The following GCLC variants were observed in gnomAD, a reference collection of about 807,000 sequenced individuals.
The protein encoded by GCLC is glutamate-cysteine ligase catalytic subunit, also known as glutamate--cysteine ligase catalytic subunit.
In GCLC, 30 loss-of-function variants were observed where a neutral mutation model predicts 81.5. The ratio of observed to expected loss-of-function variants is 0.37; its 90% confidence interval spans 0.28 to 0.50. The LOEUF is 0.50. Among genes scored for constraint, GCLC ranks in the 20% least tolerant of loss-of-function variants. The pLI, the probability that GCLC is intolerant of heterozygous loss-of-function variation, is 0.96. For missense variants in GCLC, 556 were observed against 777.4 expected, an observed-to-expected ratio of 0.72 and a Z score of 3.39; for synonymous variants, 262 against 273.3, an observed-to-expected ratio of 0.96 and a Z score of 0.41.
chr6:53,528,986 C>T (rs771807521), intron 1 of GCLC, among the ~76,000 whole-genome samples: 113 of 152,160 alleles, frequency 7.4e-4, no homozygotes, highest in Non-Finnish European at 1.4e-3. Flanking sequence ...GAGAAAATGT[C>T]ACCTGTCACC....
Position 53,514,254 on chromosome 6 carries a change from G to A in GCLC, c.703C>T (p.His235Tyr). Residue 235 changes from histidine (H) to tyrosine (Y), a missense_variant, in exon 6 of 16, where the codon CAT becomes TAT. His to Tyr is a moderately conservative substitution (Grantham distance 83). Around this residue, in one of 3 missense-constraint regions of GCLC, gnomAD observed 234 missense variants for 303.8 expected, o/e 0.77. Transcript: ENST00000650454. ...AATCCCATGGCATCCATGTAAATATGATCCGGCTTAGAAGCCCTTGAAGCT... is the reference window on the plus strand; with the variant it reads ...AATCCCATGGCATCCATGTAAATATAATCCGGCTTAGAAGCCCTTGAAGCT... ...DEASRASKPD[H>Y]IYMDAMGFGM... is the part of the protein sequence containing the mutation. The A allele has an allele frequency of 3.7e-6, 6 of 1,613,524 alleles. No individual in the cohort carries two copies. Among genetic ancestry groups the A allele is most frequent in the Non-Finnish European group, 4.2e-6 (5 of 1,179,440 alleles).
At position 53,534,872 on chromosome 6, in the gene GCLC, T is replaced by C. The variant is rs1237956048; in HGVS notation, c.150+9624A>G. Among the ~76,000 whole-genome samples, 4 of 152,344 alleles carry C rather than the reference T, an allele frequency of 2.6e-5. No homozygotes were observed. The East Asian group carries it at 7.7e-4, about 29-fold the overall frequency. On this transcript the variant is annotated intron_variant, in intron 1 of 15. Coordinates refer to ENST00000650454, the MANE Select transcript of GCLC (RefSeq NM_001498.4). The stretch of plus-strand genomic sequence containing the variant: ...ACTTGAAGACTCAATATTGTTGAGA[T>C]GTTAATTTTTCCCAAACTGATCTAC...
Position 53,517,079 on chromosome 6 carries a change from A to AATTT in GCLC, c.447-858_447-857insAAAT, listed in dbSNP as rs372330233. On this transcript the variant is annotated intron_variant, in intron 3 of 15. Coordinates refer to ENST00000650454, the MANE Select transcript of GCLC (RefSeq NM_001498.4). ...ACTAGCTCATATCTTTTAAAAAAAAATTTTTTTTTTTTTTTTTTTTTTTCT... is the reference window on the plus strand; with the variant it reads ...ACTAGCTCATATCTTTTAAAAAAAAAATTTTTTTTTTTTTTTTTTTTTTTTTTCT... 2.8e-4 allele frequency among the ~76,000 whole-genome samples: 29 copies of AATTT among 104,406 alleles called. No individual in the cohort carries two copies. The East Asian group carries it at 3.5e-3, about 12-fold the overall frequency. The allele number at this position is 104,406 out of a possible 152,430, so 68.5% of individuals were successfully genotyped here. A position where few individuals can be genotyped will look rare whatever the true frequency, so the allele number is the denominator to read the frequency against.
intron 1 of GCLC, among the ~76,000 whole-genome samples, chr6:53,538,948 C>T (rs1279841528): frequency 6.6e-6 from 1 of 152,082 alleles, no homozygotes; most frequent in Non-Finnish European, 1.5e-5. Context: ...AACCCAAAAC[C>T]TGGTATAATG....
At chr6:53,527,851 C>T (rs1763109240) in intron 1 of GCLC, among the ~76,000 whole-genome samples, 1 of 152,176 alleles carries the variant, frequency 6.6e-6, no homozygotes, top group Non-Finnish European at 1.5e-5. Flanking sequence ...GATCCCGTCC[C>T]CCAGGGGAGC....
chr6:53,533,190 CCCAAACT>C (rs1763201167), intron 1 of GCLC, among the ~76,000 whole-genome samples: 1 of 152,170 alleles, frequency 6.6e-6, no homozygotes, highest in Non-Finnish European at 1.5e-5. Flanking sequence ...ACCAAAGTGA[CCCAAACT>C]CATATGCTGT....
At chr6:53,539,280 C>T (rs1166904719) in intron 1 of GCLC, among the ~76,000 whole-genome samples, 1 of 152,146 alleles carries the variant, frequency 6.6e-6, no homozygotes, top group African/African-American at 2.4e-5. Context: ...CTCCCTGGAA[C>T]CTAAGAGTTG....
At position 53,498,889 on chromosome 6, in the gene GCLC, G is replaced by T. The variant is rs1441209268; in HGVS notation, c.1781C>A (p.Thr594Asn). The T allele has an allele frequency of 1.9e-6, 3 of 1,612,028 alleles. No individual in the cohort carries two copies. The highest frequency in any genetic ancestry group is 1.7e-5 in the Admixed American group (1 of 60,004). The change falls in exon 16 of 16, where the codon ACT becomes AAT. Residue 594 changes from threonine (T) to asparagine (N), a missense_variant. Transcript: ENST00000650454. ...HPDYKQDSVI[T>N]DEMNYSLILK... ...AATAAGGCTATAATTCATTTCATCA[G>T]TTATGACACTGTCTTGCTTGTAGTC...
chr6:53,520,295 T>C (rs985962879), intron 3 of GCLC, among the ~76,000 whole-genome samples: 2 of 152,258 alleles, frequency 1.3e-5, no homozygotes, highest in Admixed American at 1.3e-4. Context: ...TCGGTATCGA[T>C]AGTGCTTTGG....
At chr6:53,503,118 G>A (rs1764544404) in intron 12 of GCLC, 1 of 152,262 alleles carries the variant, frequency 6.6e-6, no homozygotes, top group African/African-American at 2.4e-5. Flanking sequence ...TAGGGCCTTT[G>A]GGAGGCAATT....
At position 53,499,994 on chromosome 6, in the gene GCLC, G is replaced by A. The variant is rs746856660; in HGVS notation, c.1702+51C>T. 3.0e-6 allele frequency: 4 copies of A among 1,324,752 alleles called. No individual in the cohort carries two copies. The Admixed American group carries it at 5.0e-5, about 17-fold the overall frequency. 82.1% of individuals were successfully genotyped at this position (1,324,752 alleles called of 1,614,324 possible). Reference sequence around the variant, plus strand: ...TACTTTAAGAAATTGAACATTCTAAGATTATACCATGCTGTCTATATTATG... The same window carrying A: ...TACTTTAAGAAATTGAACATTCTAAAATTATACCATGCTGTCTATATTATG... On this transcript the variant is annotated intron_variant, in intron 15 of 15. Coordinates refer to ENST00000650454, the MANE Select transcript of GCLC (RefSeq NM_001498.4).
chr6:53,506,116 A>C lies in GCLC; in HGVS notation c.1198-221T>G. On this transcript the variant is annotated intron_variant, in intron 10 of 15. Coordinates refer to ENST00000650454, the MANE Select transcript of GCLC (RefSeq NM_001498.4). The surrounding 1 kb of genome is among the most constrained non-coding windows in gnomAD (Gnocchi z 4.0). ...AAAGCTATGAGGCCCTATCACTGCA[A>C]GCTTAATCTCACCCAGCTCCTACTC... is the stretch of plus-strand genomic sequence containing the variant. 2.0e-6 allele frequency: 1 copy of C among 497,202 alleles called. No individual in the cohort carries two copies. Among genetic ancestry groups the C allele is most frequent in the Non-Finnish European group, 3.7e-6 (1 of 271,488 alleles). The allele number at this position is 497,202 out of a possible 1,614,324, so 30.8% of individuals were successfully genotyped here.
intron 1 of GCLC, among the ~76,000 whole-genome samples, chr6:53,531,417 C>T (rs1192754733): frequency 6.6e-6 from 1 of 152,182 alleles, no homozygotes; most frequent in Non-Finnish European, 1.5e-5. Context: ...TCTAACCCTA[C>T]AGTCAGGAAG....
intron 1 of GCLC, among the ~76,000 whole-genome samples, chr6:53,540,667 CCACACACACACACACACACACA>C (rs35480206): frequency 1.4e-5 from 2 of 143,808 alleles, no homozygotes; most frequent in African/African-American, 2.6e-5. Context: ...AAGTGTCTTG[CCACACACACACACACACACACA>C]CACACACACA....
At chr6:53,531,280 G>C (rs74543378) in intron 1 of GCLC, among the ~76,000 whole-genome samples, 1 of 152,084 alleles carries the variant, frequency 6.6e-6, no homozygotes, top group African/African-American at 2.4e-5. Context: ...AAAAATAATC[G>C]TTAATAGGGT....
chr6:53,542,292 T>C (rs1014606106), intron 1 of GCLC, among the ~76,000 whole-genome samples: 1 of 152,124 alleles, frequency 6.6e-6, no homozygotes, highest in Non-Finnish European at 1.5e-5. Context: ...AAGTTTGCAT[T>C]ATGGCCACTC....
chr6:53,535,096 C>G (rs115533086), intron 1 of GCLC, among the ~76,000 whole-genome samples: 3 of 152,164 alleles, frequency 2.0e-5, no homozygotes, highest in African/African-American at 7.2e-5. Context: ...AAAGAGTATG[C>G]CATTAGCCAG....
At position 53,506,913 on chromosome 6, in the gene GCLC, C is replaced by G. The variant is rs745837691; in HGVS notation, c.1197G>C (p.Glu399Asp). ...AATAAAAATAAAACTGAGAAGATACCTCAAAATGGTCAGACTCATTAGCAT... is the reference window on the plus strand; with the variant it reads ...AATAAAAATAAAACTGAGAAGATACGTCAAAATGGTCAGACTCATTAGCAT... The part of the protein sequence containing the change: ...LDDANESDHF[E>D]NIQSTNWQTM... The change falls in exon 10 of 16, where the codon GAG (glutamate) becomes GAC (aspartate). Residue 399 changes from glutamate (E) to aspartate (D), a missense_variant and splice_region_variant. This residue lies in a region of GCLC where 313 missense variants were observed against 437.3 expected (regional missense o/e 0.72). Transcript: ENST00000650454. The surrounding 1 kb of genome is among the most constrained non-coding windows in gnomAD (Gnocchi z 4.0). 6.8e-7 allele frequency: 1 copy of G among 1,468,868 alleles called. No homozygotes were observed. The highest frequency in any genetic ancestry group is 1.7e-5 in the Admixed American group (1 of 59,862). 91.0% of individuals were successfully genotyped at this position (1,468,868 alleles called of 1,614,324 possible). A position where few individuals can be genotyped will look rare whatever the true frequency, so the allele number is the denominator to read the frequency against.
intron 1 of GCLC, among the ~76,000 whole-genome samples, chr6:53,534,782 C>A (rs867311235): frequency 6.6e-6 from 1 of 152,064 alleles, no homozygotes; most frequent in Non-Finnish European, 1.5e-5. Flanking sequence ...GACCTATACA[C>A]GAAAAACTAC....
Sources: gnomAD v4.1 joint callset for allele counts (sites outside exome capture counted in the v4.1 genomes callset) on GRCh38, gnomAD v4.1.1 for gene constraint, gnomAD v4.1.1 regional missense constraint, Gnocchi (gnomAD v3.1) non-coding constraint, MANE v1.5 for transcripts, NCBI Gene and HGNC (gene_info 2026-07-23, HGNC 2026-07-21) for gene names.